The following TBXAS1 variants were observed in gnomAD, a reference collection of about 807,000 sequenced individuals.
TBXAS1 encodes thromboxane-A synthase.
Under a neutral mutation model 60.7 loss-of-function variants are expected in TBXAS1, and 48 were observed. The observed-to-expected ratio is 0.79, with a 90% CI of 0.63 to 1.01. The LOEUF (loss-of-function observed/expected upper bound fraction) is 1.01. TBXAS1 is among the 50% of genes least tolerant of loss of function. TBXAS1 has a pLI of 0.00. For synonymous variants in TBXAS1, 287 were observed against 269.7 expected (o/e 1.06, Z -0.63); for missense variants, 685 against 686.3 (o/e 1.00, Z 0.02).
chr7:139,867,587 A>C (rs1437684458), intron 1 of TBXAS1, among the ~76,000 whole-genome samples: 1 of 152,188 alleles, frequency 6.6e-6, no homozygotes, highest in East Asian at 1.9e-4. Flanking sequence ...TTGGAAGGCC[A>C]AGGCAGGCGG....
chr7:139,926,337 G>A (rs1326896633), intron 4 of TBXAS1, among the ~76,000 whole-genome samples: 1 of 152,102 alleles, frequency 6.6e-6, no homozygotes, highest in African/African-American at 2.4e-5. Flanking sequence ...ACTTGTTATT[G>A]ATCTGTTCAG....
At chr7:139,965,212 C>G (rs1810687803) in intron 9 of TBXAS1, among the ~76,000 whole-genome samples, 2 of 149,284 alleles carry the variant, frequency 1.3e-5, no homozygotes, top group African/African-American at 4.9e-5. Context: ...GAAAGAAACT[C>G]CGTCTCAAAA....
In TBXAS1 at chr7:139,898,948, T is replaced by C. The variant is rs1359701150; in HGVS notation, c.237-12277T>C. On this transcript the variant is annotated intron_variant, in intron 3 of 12. Coordinates refer to ENST00000448866, the MANE Select transcript of TBXAS1 (RefSeq NM_001061.7). ...TCTCTGACACCTGCAACTGTGGCACTGCCAGCCGCCACTCTGCCTCTGACA... is the reference window on the plus strand; with the variant it reads ...TCTCTGACACCTGCAACTGTGGCACCGCCAGCCGCCACTCTGCCTCTGACA... Among the ~76,000 whole-genome samples, 10 of 150,260 alleles carry C rather than the reference T, an allele frequency of 6.7e-5. No individual in the cohort carries two copies. The Admixed American group carries it at 6.7e-4, about 10-fold the overall frequency.
chr7:139,819,424 G>A (rs1205111264), intron 4 of TBXAS1, among the ~76,000 whole-genome samples: 1 of 152,228 alleles, frequency 6.6e-6, no homozygotes, highest in Non-Finnish European at 1.5e-5. Flanking sequence ...CACTTCTGTA[G>A]TGTGAAGCTC....
intron 3 of TBXAS1, among the ~76,000 whole-genome samples, chr7:139,905,013 T>C (rs201984826): frequency 8.1e-3 from 521 of 64,018 alleles, no homozygotes; most frequent in Middle Eastern, 0.017. Flanking sequence ...CTCTCTTTCT[T>C]TCTTTCTTTC....
chr7:139,839,802 G>T (rs1166906484), intron 1 of TBXAS1, among the ~76,000 whole-genome samples: 1 of 151,804 alleles, frequency 6.6e-6, no homozygotes, highest in Non-Finnish European at 1.5e-5. Flanking sequence ...GATACAATGA[G>T]CTGTGATTGC....
chr7:139,872,673 A>T (rs536124492), intron 2 of TBXAS1, among the ~76,000 whole-genome samples: 10 of 152,312 alleles, frequency 6.6e-5, no homozygotes, highest in African/African-American at 2.4e-4. Flanking sequence ...AAATAAAATG[A>T]AATAAAATAA....
chr7:139,941,528 A>G (rs1422205241), intron 5 of TBXAS1, among the ~76,000 whole-genome samples: 1 of 152,140 alleles, frequency 6.6e-6, no homozygotes, highest in East Asian at 1.9e-4. Flanking sequence ...CAGGAAAAAG[A>G]GACTATTGGA....
intron 4 of TBXAS1, chr7:139,789,212 ATC>A (rs138299225): frequency 0.013 from 1,879 of 141,562 alleles, 22 homozygotes; most frequent in African/African-American, 0.037. Flanking sequence ...AATATGTTTA[ATC>A]TCTCTCTCTC....
At position 139,915,679 on chromosome 7, in the gene TBXAS1, T is replaced by C. The variant is rs182124650; in HGVS notation, c.333+4358T>C. The stretch of plus-strand genomic sequence containing the variant: ...CCGTAAGCATCCCATGAGGGATCCA[T>C]AGAGCATATTCACTGGAGGTGGGGG... On this transcript the variant is annotated intron_variant, in intron 4 of 12. Coordinates refer to ENST00000448866, the MANE Select transcript of TBXAS1 (RefSeq NM_001061.7). Among the ~76,000 whole-genome samples the C allele has an allele frequency of 4.2e-3, 645 of 152,314 alleles. 1 individual carries two copies. The highest frequency in any genetic ancestry group is 6.6e-3 in the Non-Finnish European group (448 of 68,024).
intron 9 of TBXAS1, among the ~76,000 whole-genome samples, chr7:139,986,743 ACATATATATATATGTGTGTG>A (rs1812499378): frequency 1.8e-4 from 6 of 32,976 alleles, no homozygotes; most frequent in African/African-American, 8.3e-4. Flanking sequence ...ATATATACAT[ACATATATATATATGTGTGTG>A]TGTGTGTGTG....
In TBXAS1 at chr7:139,784,048, GT is replaced by G. The variant is rs1475783863; in HGVS notation, c.-169+1320del. On this transcript the variant is annotated intron_variant, in intron 3 of 16. Coordinates refer to the TBXAS1 transcript ENST00000336425. ...TTTGTATTTTTTCCCAAAATTCCTA[GT>G]CCTTCCTCCTTTCACATGCTTGTTT... Among the ~76,000 whole-genome samples the G allele has an allele frequency of 3.0e-5, 4 of 132,988 alleles. No individual in the cohort carries two copies. In the East Asian group the frequency reaches 9.0e-4, roughly 30 times the overall value. 87.2% of individuals were successfully genotyped at this position (132,988 alleles called of 152,430 possible).
At chr7:139,905,938 AT>A (rs140192408) in intron 3 of TBXAS1, among the ~76,000 whole-genome samples, 35 of 149,978 alleles carry the variant, frequency 2.3e-4, no homozygotes, top group South Asian at 4.2e-4. Context: ...ATTTTCAAAG[AT>A]TTTTTTTTTA....
intron 9 of TBXAS1, among the ~76,000 whole-genome samples, chr7:140,000,506 C>T (rs1353497779): frequency 6.6e-6 from 1 of 152,060 alleles, no homozygotes; most frequent in African/African-American, 2.4e-5. Flanking sequence ...AGAAAATAAA[C>T]AAACACATAT....
At chr7:139,984,146 A>T (rs1427272752) in intron 9 of TBXAS1, among the ~76,000 whole-genome samples, 1 of 152,240 alleles carries the variant, frequency 6.6e-6, no homozygotes, top group Non-Finnish European at 1.5e-5. Context: ...CTGGGGCATG[A>T]CACAGTTCCC....
At chr7:139,921,920 G>A (rs1166004286) in intron 4 of TBXAS1, among the ~76,000 whole-genome samples, 1 of 152,094 alleles carries the variant, frequency 6.6e-6, no homozygotes, top group Non-Finnish European at 1.5e-5. Flanking sequence ...TTCCAAAGGG[G>A]TTGAGCCAAT....
At chr7:140,006,140 C>T (rs140349332) in intron 9 of TBXAS1, among the ~76,000 whole-genome samples, 1,608 of 152,316 alleles carry the variant, frequency 0.011, 38 homozygotes, top group African/African-American at 0.036. Context: ...GAAAGCAATC[C>T]GCCACCTTGG....
In TBXAS1 at chr7:139,850,968, C is replaced by T. The variant is rs142655608; in HGVS notation, c.90-21267C>T. On this transcript the variant is annotated intron_variant, in intron 1 of 12. Coordinates refer to ENST00000448866, the MANE Select transcript of TBXAS1 (RefSeq NM_001061.7). ...CTCCAGAATGATGAGAGGATAATTTCTGTTGTTTTAAGCCACCCGGTTTGT... is the reference window on the plus strand; with the variant it reads ...CTCCAGAATGATGAGAGGATAATTTTTGTTGTTTTAAGCCACCCGGTTTGT... 5.8e-3 allele frequency among the ~76,000 whole-genome samples: 883 copies of T among 152,262 alleles called. 7 individuals carry two copies. Among genetic ancestry groups the T allele is most frequent in the South Asian group, 0.026 (126 of 4,822 alleles).
intron 1 of TBXAS1, among the ~76,000 whole-genome samples, chr7:139,846,368 A>G (rs913326115): frequency 8.5e-5 from 13 of 152,186 alleles, no homozygotes; most frequent in African/African-American, 3.1e-4. Context: ...CTTAAGCAAT[A>G]GATGTCAGGT....
Sources: gnomAD v4.1 joint callset for allele counts (sites outside exome capture counted in the v4.1 genomes callset) on GRCh38, gnomAD v4.1.1 for gene constraint, MANE v1.5 for transcripts, NCBI Gene and HGNC (gene_info 2026-07-23, HGNC 2026-07-21) for gene names.